Variants in CNTNAP5 observed in about 807,000 individuals in gnomAD.
The protein encoded by CNTNAP5 is contactin-associated protein-like 5.
In CNTNAP5, 72 loss-of-function variants were observed where a neutral mutation model predicts 150.2. The ratio of observed to expected loss-of-function variants is 0.48; its 90% CI spans 0.40 to 0.58. The LOEUF is 0.58. Ranked by LOEUF, CNTNAP5 falls within the 20% of genes least tolerant of loss-of-function variation. The pLI, the probability that CNTNAP5 is intolerant of heterozygous loss-of-function variation, is 0.00. For synonymous variants in CNTNAP5, 672 were observed against 619.8 expected (o/e 1.08, Z -1.25); for missense variants, 1,636 against 1,626.2 (o/e 1.01, Z -0.10).
intron 22 of CNTNAP5, among the ~76,000 whole-genome samples, chr2:124,905,641 C>T (rs1349305442): frequency 1.3e-5 from 2 of 152,154 alleles, no homozygotes; most frequent in Non-Finnish European, 2.9e-5. Flanking sequence ...TTATTTCTTA[C>T]AGTTCTCAAG....
intron 21 of CNTNAP5, among the ~76,000 whole-genome samples, chr2:124,876,321 G>A (rs961937878): frequency 2.0e-5 from 3 of 151,922 alleles, no homozygotes; most frequent in Non-Finnish European, 4.4e-5. Flanking sequence ...ATAGTTCAGC[G>A]TTAATTGCAT....
chr2:124,309,271 C>G (rs1688766046), intron 3 of CNTNAP5, among the ~76,000 whole-genome samples: 1 of 152,048 alleles, frequency 6.6e-6, no homozygotes, highest in Non-Finnish European at 1.5e-5. Flanking sequence ...GAAAGGAAAA[C>G]TGGATGGGAG....
intron 11 of CNTNAP5, among the ~76,000 whole-genome samples, chr2:124,565,184 A>G (rs998932093): frequency 6.6e-6 from 1 of 152,226 alleles, no homozygotes; most frequent in Non-Finnish European, 1.5e-5. Context: ...TTAGAGAAGA[A>G]CTAGTCCACT....
chr2:124,717,126 A>T (rs1679960848), intron 13 of CNTNAP5, among the ~76,000 whole-genome samples: 1 of 152,196 alleles, frequency 6.6e-6, no homozygotes, highest in Non-Finnish European at 1.5e-5. Context: ...ATAGCAAATG[A>T]TGCCATTTCC....
intron 7 of CNTNAP5, among the ~76,000 whole-genome samples, chr2:124,487,667 G>A (rs1357173431): frequency 6.6e-6 from 1 of 151,744 alleles, no homozygotes; most frequent in Admixed American, 6.6e-5. Flanking sequence ...CATGTGCATG[G>A]GCACATATAA....
chr2:124,309,414 A>T (rs1341882347), intron 3 of CNTNAP5, among the ~76,000 whole-genome samples: 1 of 152,210 alleles, frequency 6.6e-6, no homozygotes, highest in Non-Finnish European at 1.5e-5. Context: ...TTGATAGAGG[A>T]GGCATGTCAG....
chr2:124,713,301 C>CTCT lies in CNTNAP5; in HGVS notation c.2078-33927_2078-33926insCTT, dbSNP rs1679862901. The stretch of plus-strand genomic sequence containing the variant: ...TCTTTCTTTCTTTCTTTCTTTCTTT[C>CTCT]TTCTTTCTCTTTCTTTCCTTTCTTT... On this transcript the variant is annotated intron_variant, in intron 13 of 23. Coordinates refer to ENST00000682447, the MANE Select transcript of CNTNAP5 (RefSeq NM_001367498.1). 7.5e-4 allele frequency among the ~76,000 whole-genome samples: 58 copies of CTCT among 76,936 alleles called. 3 individuals are homozygous for CTCT. The highest frequency in any genetic ancestry group is 1.1e-3 in the Non-Finnish European group (41 of 35,962). 50.5% of individuals were successfully genotyped at this position (76,936 alleles called of 152,430 possible). A position where few individuals can be genotyped will look rare whatever the true frequency, so the allele number is the denominator to read the frequency against.
At chr2:124,160,014 G>A (rs892809331) in intron 1 of CNTNAP5, among the ~76,000 whole-genome samples, 2 of 152,088 alleles carry the variant, frequency 1.3e-5, no homozygotes, top group Non-Finnish European at 2.9e-5. Context: ...ATAGTGTATT[G>A]TCTGTGTACA....
intron 13 of CNTNAP5, among the ~76,000 whole-genome samples, chr2:124,652,779 C>T (rs1229907131): frequency 1.3e-5 from 2 of 152,164 alleles, no homozygotes; most frequent in Non-Finnish European, 2.9e-5. Context: ...TGGATTCCGT[C>T]ATTAGGGTGT....
rs541597317 is a variant in CNTNAP5 at position 124,579,623 on chromosome 2, A to AT, written c.1756+16306dup. Among the ~76,000 whole-genome samples, 194 of 152,272 alleles carry AT rather than the reference A, an allele frequency of 1.3e-3. 1 individual carries two copies. The highest frequency in any genetic ancestry group is 4.3e-3 in the African/African-American group (179 of 41,566). ...AATAGTAGTCTCCCTGGTGCACTGTATTTTTTCAAAAGTTTTAAATGTTTG... is the reference window on the plus strand; with the variant it reads ...AATAGTAGTCTCCCTGGTGCACTGTATTTTTTTCAAAAGTTTTAAATGTTTG... On this transcript the variant is annotated intron_variant, in intron 11 of 23. Transcript: ENST00000682447.
In CNTNAP5 at chr2:124,774,210, A is replaced by AT. The variant is rs1168019793; in HGVS notation, c.2752+1196dup. Among the ~76,000 whole-genome samples the AT allele has an allele frequency of 1.1e-4, 17 of 151,718 alleles. 1 individual carries two copies. Among genetic ancestry groups the AT allele is most frequent in the East Asian group, 3.9e-4 (2 of 5,146 alleles). Reference sequence around the variant, plus strand: ...TTTAACTTTGTTTCCTTTTTTGTTTATTTATTTTTTTTTTGCCAACTCCCA... The same window carrying AT: ...TTTAACTTTGTTTCCTTTTTTGTTTATTTTATTTTTTTTTTGCCAACTCCCA... On this transcript the variant is annotated intron_variant, in intron 17 of 23. Coordinates refer to ENST00000682447, the MANE Select transcript of CNTNAP5 (RefSeq NM_001367498.1).
At chr2:124,827,135 G>A (rs1682612526) in intron 19 of CNTNAP5, among the ~76,000 whole-genome samples, 1 of 152,048 alleles carries the variant, frequency 6.6e-6, no homozygotes, top group Non-Finnish European at 1.5e-5. Flanking sequence ...TGTTGCTCAG[G>A]CTGGTCTCAA....
intron 3 of CNTNAP5, among the ~76,000 whole-genome samples, chr2:124,278,191 G>A (rs879717723): frequency 2.0e-5 from 3 of 152,054 alleles, no homozygotes; most frequent in Admixed American, 2.0e-4. Context: ...CAAGGCAATG[G>A]ACCCAATGCT....
At chr2:124,484,317 C>A (rs1312613241) in intron 7 of CNTNAP5, among the ~76,000 whole-genome samples, 2 of 152,130 alleles carry the variant, frequency 1.3e-5, no homozygotes, top group Non-Finnish European at 2.9e-5. Flanking sequence ...AAGAAACACC[C>A]TTTTATGTCA....
rs1032494846 is a variant in CNTNAP5 at position 124,369,526 on chromosome 2, T to A, written c.382-47917T>A. On this transcript the variant is annotated intron_variant, in intron 3 of 23. Transcript: ENST00000682447. ...CATAGGCATTGGTATGTTCTAGAAGTTCCTGCGGTGATTCTAAATCAGAGA... is the reference window on the plus strand; with the variant it reads ...CATAGGCATTGGTATGTTCTAGAAGATCCTGCGGTGATTCTAAATCAGAGA... 3.3e-5 allele frequency among the ~76,000 whole-genome samples: 5 copies of A among 152,162 alleles called. No individual in the cohort carries two copies. In the South Asian group the frequency reaches 1.0e-3, roughly 32 times the overall value.
chr2:124,615,529 T>A (rs1677477181), intron 12 of CNTNAP5, among the ~76,000 whole-genome samples: 1 of 152,174 alleles, frequency 6.6e-6, no homozygotes, highest in African/African-American at 2.4e-5. Context: ...CTAATTCTAG[T>A]TCTGTTGCTA....
chr2:124,746,535 A>C (rs539889271), intron 13 of CNTNAP5, among the ~76,000 whole-genome samples: 58 of 152,148 alleles, frequency 3.8e-4, no homozygotes, highest in Non-Finnish European at 7.6e-4. Flanking sequence ...TGAGCTTAGA[A>C]CTAATGATGT....
rs374167870 is a variant in CNTNAP5 at position 124,172,764 on chromosome 2, G to GCT, written c.83-48926_83-48925dup. On this transcript the variant is annotated intron_variant, in intron 1 of 23. Coordinates refer to ENST00000682447, the MANE Select transcript of CNTNAP5 (RefSeq NM_001367498.1). Reference sequence around the variant, plus strand: ...TTTGTAAATGCTTGCTCTCTCTCTGGCTCTCTCTCTCTCTCTGTGTGTGTG... The same window carrying GCT: ...TTTGTAAATGCTTGCTCTCTCTCTGGCTCTCTCTCTCTCTCTCTGTGTGTGTG... 8.8e-3 allele frequency among the ~76,000 whole-genome samples: 1,310 copies of GCT among 148,502 alleles called. 14 individuals carry two copies. Among genetic ancestry groups the GCT allele is most frequent in the African/African-American group, 0.022 (871 of 40,468 alleles).
chr2:124,599,219 A>G (rs1292598241), intron 11 of CNTNAP5, among the ~76,000 whole-genome samples: 3 of 152,224 alleles, frequency 2.0e-5, no homozygotes, highest in Admixed American at 1.3e-4. Context: ...CGTGGTCTGC[A>G]GTATGAGGAG....
Sources: allele counts gnomAD v4.1 joint callset (sites outside exome capture counted in the v4.1 genomes callset), GRCh38; gene constraint gnomAD v4.1.1; transcripts MANE v1.5; gene names NCBI Gene and HGNC (gene_info 2026-07-23, HGNC 2026-07-21).